DOCK3: variants seen among roughly 807,000 people sequenced by gnomAD.
DOCK3 encodes the protein dedicator of cytokinesis 3.
A neutral mutation model predicts 265.6 loss-of-function variants in DOCK3; 60 were observed. The ratio of observed to expected loss-of-function variants is 0.23; its 90% CI spans 0.18 to 0.28. The LOEUF is 0.28. DOCK3 is among the 10% of genes least tolerant of loss of function. The probability of loss-of-function intolerance (pLI) is 1.00; values close to 1 mark genes in which losing one functional copy is unlikely to be tolerated. For synonymous variants in DOCK3, 881 were observed against 938.0 expected, an observed-to-expected ratio of 0.94 and a Z score of 1.11; for missense variants, 1,981 against 2,594.3, an observed-to-expected ratio of 0.76 and a Z score of 5.14.
At chr3:50,875,631 T>A (rs2107615150) in intron 3 of DOCK3, among the ~76,000 whole-genome samples, 1 of 152,342 alleles carries the variant, frequency 6.6e-6, no homozygotes, top group South Asian at 2.1e-4. Context: ...TCAACCATCC[T>A]TGATTCCCTG....
intron 5 of DOCK3, among the ~76,000 whole-genome samples, chr3:51,002,031 A>G (rs1451305259): frequency 5.9e-5 from 9 of 151,822 alleles, no homozygotes; most frequent in Admixed American, 2.6e-4. Context: ...CTGCCATCTC[A>G]AACTCCTGGG....
intron 6 of DOCK3, among the ~76,000 whole-genome samples, chr3:51,071,252 C>T (rs1275397918): frequency 1.3e-5 from 2 of 152,104 alleles, no homozygotes; most frequent in African/African-American, 4.8e-5. Flanking sequence ...TGAACATGAG[C>T]TTAGCACAGA....
intron 1 of DOCK3, among the ~76,000 whole-genome samples, chr3:50,678,987 GTAT>G (rs913270949): frequency 6.6e-6 from 1 of 151,994 alleles, no homozygotes; most frequent in African/African-American, 2.4e-5. Flanking sequence ...TTTTGTTTTT[GTAT>G]TTTTAGTAGA....
intron 2 of DOCK3, among the ~76,000 whole-genome samples, chr3:50,840,067 G>A (rs115778686): frequency 0.02 from 2,976 of 151,796 alleles, 35 homozygotes; most frequent in Non-Finnish European, 0.029. Flanking sequence ...GTGCCTGGCC[G>A]GGCTGTTTAT....
At chr3:51,307,879 GT>G (rs1421611635) in intron 27 of DOCK3, among the ~76,000 whole-genome samples, 5 of 54,518 alleles carry the variant, frequency 9.2e-5, no homozygotes, top group Admixed American at 3.0e-4. Context: ...AATTATATGG[GT>G]TTTTTTTTTT....
At chr3:50,880,914 A>G (rs1313701465) in intron 3 of DOCK3, among the ~76,000 whole-genome samples, 1 of 152,230 alleles carries the variant, frequency 6.6e-6, no homozygotes, top group East Asian at 1.9e-4. Context: ...CAGCGAATCA[A>G]AAAGCTTATC....
Position 50,675,081 on chromosome 3 carries a change from G to A in DOCK3, c.-183G>A, listed in dbSNP as rs1344013128. ...TGCTGGGCCACCCGCGGAGCCTCGC[G>A]GTCCAGACGTGGCGGGGGTGGCGGC... On this transcript the variant is annotated 5_prime_UTR_variant, in exon 1 of 53. Coordinates refer to ENST00000266037, the MANE Select transcript of DOCK3 (RefSeq NM_004947.5). The surrounding 1 kb of genome is among the most constrained non-coding windows in gnomAD (Gnocchi z 6.1). 1 of 230,772 alleles carries A rather than the reference G, an allele frequency of 4.3e-6. No homozygotes were observed. The highest frequency in any genetic ancestry group is 6.5e-5 in the Admixed American group (1 of 15,280). The allele number at this position is 230,772 out of a possible 1,614,324, so 14.3% of individuals were successfully genotyped here. A position where few individuals can be genotyped will look rare whatever the true frequency, so the allele number is the denominator to read the frequency against.
intron 23 of DOCK3, among the ~76,000 whole-genome samples, chr3:51,263,186 C>T (rs551398330): frequency 6.6e-6 from 1 of 152,216 alleles, no homozygotes; most frequent in East Asian, 1.9e-4. Context: ...TCAGGTTACC[C>T]ACAAAGAGAA....
At position 51,056,398 on chromosome 3, in the gene DOCK3, G is replaced by A. The variant is rs973987510; in HGVS notation, c.316-8050G>A. Among the ~76,000 whole-genome samples, 18 of 152,204 alleles carry A rather than the reference G, an allele frequency of 1.2e-4. 1 individual carries two copies. In the East Asian group the frequency reaches 2.5e-3, roughly 21 times the overall value. On this transcript the variant is annotated intron_variant, in intron 5 of 52. Coordinates refer to ENST00000266037, the MANE Select transcript of DOCK3 (RefSeq NM_004947.5). ...CGAGTAACTGGGACTACAGGTGCCC[G>A]CCACCATGGCTGGCTAATTTTTTGT... is the stretch of plus-strand genomic sequence containing the variant.
chr3:51,176,355 G>A (rs1247905996), intron 12 of DOCK3, among the ~76,000 whole-genome samples: 1 of 152,056 alleles, frequency 6.6e-6, no homozygotes, highest in South Asian at 2.1e-4. Context: ...GGTGGCTCAC[G>A]CCTGTAATCC....
At chr3:51,161,492 A>G (rs1459101489) in intron 12 of DOCK3, among the ~76,000 whole-genome samples, 1 of 152,130 alleles carries the variant, frequency 6.6e-6, no homozygotes, top group Non-Finnish European at 1.5e-5. Flanking sequence ...AATGCGGAAG[A>G]TTGATCTAAG....
intron 1 of DOCK3, among the ~76,000 whole-genome samples, chr3:50,707,102 C>G (rs1387326253): frequency 7.9e-5 from 12 of 152,108 alleles, no homozygotes; most frequent in African/African-American, 2.7e-4. Flanking sequence ...TGCCTTCTGC[C>G]GTGAGTAAAA....
At chr3:50,922,261 G>T (rs1008159722) in intron 4 of DOCK3, among the ~76,000 whole-genome samples, 2 of 152,184 alleles carry the variant, frequency 1.3e-5, no homozygotes, top group African/African-American at 2.4e-5. Context: ...AATGGCAGAC[G>T]CCCCTCCCCT....
At chr3:50,946,677 G>C (rs1472329299) in intron 5 of DOCK3, among the ~76,000 whole-genome samples, 1 of 152,190 alleles carries the variant, frequency 6.6e-6, no homozygotes, top group East Asian at 1.9e-4. Context: ...ATAAGAAGTA[G>C]TTTGTACAAG....
At chr3:50,698,516 G>GGTTTTTTTT (rs2035791395) in intron 1 of DOCK3, among the ~76,000 whole-genome samples, 1 of 12,410 alleles carries the variant, frequency 8.1e-5, no homozygotes, top group Admixed American at 7.6e-4. Context: ...GTATGTTTTT[G>GGTTTTTTTT]GTTTTTTTTT....
At chr3:51,290,484 A>G (rs959269077) in intron 27 of DOCK3, among the ~76,000 whole-genome samples, 7 of 152,070 alleles carry the variant, frequency 4.6e-5, no homozygotes, top group South Asian at 2.1e-4. Flanking sequence ...GAATTGAACA[A>G]TGAGAACACC....
intron 3 of DOCK3, among the ~76,000 whole-genome samples, chr3:50,865,412 C>G (rs547023800): frequency 1.3e-5 from 2 of 152,312 alleles, no homozygotes; most frequent in Non-Finnish European, 2.9e-5. Context: ...GTTTGTCTTT[C>G]TGTGCCTGAT....
At chr3:50,734,046 ATT>A (rs1307910456) in intron 1 of DOCK3, among the ~76,000 whole-genome samples, 5 of 152,184 alleles carry the variant, frequency 3.3e-5, no homozygotes, top group Non-Finnish European at 5.9e-5. Flanking sequence ...TGCTGAGTAG[ATT>A]TTAAGTGTTT....
At chr3:51,092,314 G>A (rs891484952) in intron 9 of DOCK3, among the ~76,000 whole-genome samples, 4 of 152,178 alleles carry the variant, frequency 2.6e-5, no homozygotes, top group Non-Finnish European at 5.9e-5. Flanking sequence ...GACCTGGGAT[G>A]CTCGAGCTTG....
Sources: allele counts gnomAD v4.1 joint callset (sites outside exome capture counted in the v4.1 genomes callset), GRCh38; gene constraint gnomAD v4.1.1; non-coding constraint Gnocchi (gnomAD v3.1); transcripts MANE v1.5; gene names NCBI Gene and HGNC (gene_info 2026-07-23, HGNC 2026-07-21).